Variants in FCRL4 observed in about 807,000 individuals in gnomAD.
FCRL4 encodes Fc receptor like 4.
A neutral mutation model predicts 64.1 loss-of-function variants in FCRL4; 43 were observed. That is an observed-to-expected ratio of 0.67 (90% CI 0.53 to 0.87). The LOEUF is 0.87. Ranked by LOEUF, FCRL4 falls within the 40% of genes least tolerant of loss-of-function variation. FCRL4 has a pLI of 0.00. For missense variants in FCRL4, 656 were observed against 613.5 expected, an observed-to-expected ratio of 1.07 and a Z score of -0.73; for synonymous variants, 253 against 239.8, an observed-to-expected ratio of 1.05 and a Z score of -0.51.
intron 8 of FCRL4, 87 bp downstream of exon 8, chr1:157,580,234 A>T (rs982574228): frequency 5.6e-6 from 8 of 1,417,046 alleles, no homozygotes; most frequent in Non-Finnish European, 8.0e-6. Context: ...CCAAAGAGGT[A>T]TAACTTGACC....
rs1338750852 is a variant in FCRL4, at chr1:157,589,443, G to A, written c.68C>T (p.Pro23Leu). The A allele has an allele frequency of 1.2e-6, 2 of 1,614,026 alleles. No individual in the cohort carries two copies. Among genetic ancestry groups the A allele is most frequent in the African/African-American group, 1.3e-5 (1 of 75,050 alleles). Reference sequence around the variant, plus strand: ...CCATGGAGGATGGACGGAAATCACAGGTTTGTGTGCAGCTGCTGAGGAGGA... The same window carrying A: ...CCATGGAGGATGGACGGAAATCACAAGTTTGTGTGCAGCTGCTGAGGAGGA... ...VCGQSAAAHK[P>L]VISVHPPWTT... The change falls in exon 3 of 12, where the codon CCT becomes CTT. Residue 23 changes from proline (P) to leucine (L), a missense_variant. By Grantham distance (98) the Pro-to-Leu change is moderately conservative (BLOSUM62 -3). Coordinates refer to ENST00000271532, the MANE Select transcript of FCRL4 (RefSeq NM_031282.3).
intron 4 of FCRL4, 65 bp from the exon 5 acceptor site, chr1:157,587,625 T>C (rs1014486297): frequency 6.5e-7 from 1 of 1,530,880 alleles, no homozygotes; most frequent in Non-Finnish European, 8.9e-7. Context: ...AGAGACAGGT[T>C]TGGATGCTCA....
At chr1:157,591,076 C>G (rs1652830413) in intron 2 of FCRL4, among the ~76,000 whole-genome samples, 1 of 152,088 alleles carries the variant, frequency 6.6e-6, no homozygotes, top group Non-Finnish European at 1.5e-5. Context: ...GTAGGTAACT[C>G]TTTTGAAGGG....
intron 8 of FCRL4, among the ~76,000 whole-genome samples, chr1:157,580,031 T>C (rs557844774): frequency 1.3e-5 from 2 of 152,378 alleles, no homozygotes; most frequent in South Asian, 4.1e-4. Context: ...ATTGTCTAAC[T>C]TAATTATAGT....
Position 157,580,361 on chromosome 1 carries a change from G to A in FCRL4, c.1250-13C>T, listed in dbSNP as rs1263338353. The A allele has an allele frequency of 6.2e-7, 1 of 1,614,082 alleles. No homozygotes were observed. Among genetic ancestry groups the A allele is most frequent in the Non-Finnish European group, 8.5e-7 (1 of 1,179,954 alleles). On this transcript the variant is annotated splice_polypyrimidine_tract_variant and intron_variant, in intron 7 of 11. Coordinates refer to ENST00000271532, the MANE Select transcript of FCRL4 (RefSeq NM_031282.3). Reference sequence around the variant, plus strand: ...AAGAAACCAACTCCTGCAAAATAAAGCAAAGACGCATTTTTGTCAGCAGAG... The same window carrying A: ...AAGAAACCAACTCCTGCAAAATAAAACAAAGACGCATTTTTGTCAGCAGAG...
chr1:157,588,548 A>G (rs1652761478), intron 3 of FCRL4, among the ~76,000 whole-genome samples: 1 of 152,220 alleles, frequency 6.6e-6, no homozygotes, highest in South Asian at 2.1e-4. Context: ...TCAGAGACAC[A>G]GTCTAGGTTG....
In FCRL4 at chr1:157,575,536, A is replaced by C. The variant is rs781587266; in HGVS notation, c.1536T>G (p.Asp512Glu). 29 of 1,613,240 alleles carry C rather than the reference A, an allele frequency of 1.8e-5. No individual in the cohort carries two copies. Among genetic ancestry groups the C allele is most frequent in the Non-Finnish European group, 2.5e-5 (29 of 1,179,506 alleles). ...DNSAGKISSK[D>E]EES ...ACTTTTCATTCTCTTAACTTTCTTC[A>C]TCCTTAGAGCTGATCTTTCCAGCTG... Residue 512 changes from aspartate to glutamate, a missense_variant, in exon 12 of 12, where the codon GAT becomes GAG. Asp to Glu is a conservative substitution (Grantham distance 45). Transcript: ENST00000271532.
intron 8 of FCRL4, among the ~76,000 whole-genome samples, chr1:157,579,585 C>T (rs1431460179): frequency 6.6e-6 from 1 of 152,070 alleles, no homozygotes; most frequent in Non-Finnish European, 1.5e-5. Flanking sequence ...GATGTGGTGG[C>T]TCATGCCTGT....
intron 10 of FCRL4, among the ~76,000 whole-genome samples, chr1:157,576,880 C>T (rs536418082): frequency 6.6e-6 from 1 of 152,330 alleles, no homozygotes; most frequent in African/African-American, 2.4e-5. Context: ...CCTTTACTGG[C>T]TTTGTGACCT....
At chr1:157,585,348 T>C (rs6659721) in intron 6 of FCRL4, among the ~76,000 whole-genome samples, 23,844 of 58,714 alleles carry the variant, frequency 0.41, 2,809 homozygotes, top group East Asian at 0.56. Flanking sequence ...CTCTCTCTCT[T>C]TCTTTCTTTC....
chr1:157,596,798 G>A (rs1476328364), intron 1 of FCRL4, among the ~76,000 whole-genome samples: 3 of 152,108 alleles, frequency 2.0e-5, no homozygotes, highest in Non-Finnish European at 4.4e-5. Flanking sequence ...GTAGTTAAAA[G>A]CCTAGTTTCC....
chr1:157,578,989 G>A (rs980204918), intron 8 of FCRL4, 137 bp from the exon 9 acceptor site: 75 of 666,832 alleles, frequency 1.1e-4, no homozygotes, highest in Non-Finnish European at 2.1e-5. Flanking sequence ...AAGCCTGAAT[G>A]GTTTAATCAG....
At chr1:157,585,336 T>TTCTCTC (rs751051677) in intron 6 of FCRL4, among the ~76,000 whole-genome samples, 16 of 129,794 alleles carry the variant, frequency 1.2e-4, no homozygotes, top group South Asian at 2.7e-4. Flanking sequence ...CTCTCTTTCT[T>TTCTCTC]TCTCTCTCTC....
intron 6 of FCRL4, among the ~76,000 whole-genome samples, chr1:157,585,536 G>A (rs906264279): frequency 6.6e-6 from 1 of 152,022 alleles, no homozygotes; most frequent in Non-Finnish European, 1.5e-5. Flanking sequence ...GCTTGGCCCA[G>A]TGTGGCTTCT....
chr1:157,581,637 T>C lies in FCRL4; in HGVS notation c.1143A>G (p.Pro381=). The change falls in exon 7 of 12, where the codon CCA becomes CCG. Residue 381 remains proline (P), a synonymous_variant. Coordinates refer to ENST00000271532, the MANE Select transcript of FCRL4 (RefSeq NM_031282.3). ...MVLNVTVRET[P]GNRDGLVAAG... ...CGGCGACAAGGCCATCTCTGTTGCC[T>C]GGGGTCTCTAAGGGGAAAGGACCTG... The C allele has an allele frequency of 6.2e-7, 1 of 1,613,286 alleles. No homozygotes were observed. Among genetic ancestry groups the C allele is most frequent in the South Asian group, 1.1e-5 (1 of 91,018 alleles).
chr1:157,578,426 G>A (rs1330547205), intron 10 of FCRL4, 48 bp downstream of exon 10: 5 of 1,454,002 alleles, frequency 3.4e-6, no homozygotes, highest in Non-Finnish European at 2.9e-6. Flanking sequence ...AATATTTGTT[G>A]AATGAATGAA....
chr1:157,597,983 G>C lies in FCRL4; in HGVS notation c.-39C>G, dbSNP rs1293700223. ...AGGATTGGAGAAGGAGTTCTGAGGAGACAAGCCAGGTCAGCCCAGATTGCC... is the reference window on the plus strand; with the variant it reads ...AGGATTGGAGAAGGAGTTCTGAGGACACAAGCCAGGTCAGCCCAGATTGCC... On this transcript the variant is annotated 5_prime_UTR_variant, in exon 1 of 12. Transcript: ENST00000271532. The C allele has an allele frequency of 6.3e-7, 1 of 1,578,276 alleles. No individual in the cohort carries two copies.
intron 1 of FCRL4, 52 bp downstream of exon 1, chr1:157,597,862 C>T (rs780076274): frequency 8.7e-5 from 133 of 1,534,258 alleles, no homozygotes; most frequent in Non-Finnish European, 1.1e-4. Context: ...GGCTTTTGCT[C>T]ATGGTGAGGC....
At chr1:157,581,760 G>A in intron 6 of FCRL4, 116 bp from the exon 7 acceptor site, 1 of 753,064 alleles carries the variant, frequency 1.3e-6, no homozygotes. Flanking sequence ...AAAGGACTAG[G>A]TCTCATAAAG....
Sources: allele counts gnomAD v4.1 joint callset (sites outside exome capture counted in the v4.1 genomes callset), GRCh38; gene constraint gnomAD v4.1.1; transcripts MANE v1.5; gene names NCBI Gene and HGNC (gene_info 2026-07-23, HGNC 2026-07-21).